Variants in SPEF2 observed in about 807,000 individuals in gnomAD.
SPEF2 encodes sperm flagellar and cilia associated 2, also known as sperm flagella and cilia-associated protein 2.
Under a neutral mutation model 224.6 loss-of-function variants are expected in SPEF2, and 187 were observed. The ratio of observed to expected loss-of-function variants is 0.83; its 90% CI spans 0.74 to 0.94. SPEF2 has a LOEUF of 0.94. Ranked by LOEUF, SPEF2 falls within the 40% of genes least tolerant of loss-of-function variation. SPEF2 has a pLI of 0.00. For synonymous variants in SPEF2, 715 were observed against 707.3 expected, an observed-to-expected ratio of 1.01 and a Z score of -0.17; for missense variants, 2,170 against 2,135.6, an observed-to-expected ratio of 1.02 and a Z score of -0.32.
chr5:35,747,350 T>A (rs1025085216), intron 23 of SPEF2, among the ~76,000 whole-genome samples: 1 of 152,058 alleles, frequency 6.6e-6, no homozygotes, highest in African/African-American at 2.4e-5. Context: ...AATACTAACA[T>A]TGAATGTAAA....
At chr5:35,813,478 C>T (rs928611588) in intron 36 of SPEF2, among the ~76,000 whole-genome samples, 6 of 151,906 alleles carry the variant, frequency 3.9e-5, no homozygotes, top group Admixed American at 2.0e-4. Context: ...GGTGACAGAG[C>T]GAAACTCTAT....
At chr5:35,669,880 A>G (rs1352014557) in intron 9 of SPEF2, among the ~76,000 whole-genome samples, 179 bp from the exon 10 acceptor site, 1 of 151,970 alleles carries the variant, frequency 6.6e-6, no homozygotes, top group Non-Finnish European at 1.5e-5. Flanking sequence ...TAACAGAAAA[A>G]TCTCATATAT....
intron 18 of SPEF2, 92 bp from the exon 19 acceptor site, chr5:35,708,856 G>T: frequency 8.4e-7 from 1 of 1,196,840 alleles, no homozygotes; most frequent in Admixed American, 2.4e-5. Context: ...ACGTAAGATT[G>T]TTTTATATTA....
intron 25 of SPEF2, among the ~76,000 whole-genome samples, 186 bp downstream of exon 25, chr5:35,759,905 A>G (rs1330029668): frequency 6.6e-6 from 1 of 152,062 alleles, no homozygotes; most frequent in Non-Finnish European, 1.5e-5. Context: ...ACTAATATAC[A>G]TTATCCAATT....
intron 23 of SPEF2, among the ~76,000 whole-genome samples, chr5:35,752,321 C>CTCTG (rs1375155222): frequency 3.3e-5 from 5 of 152,034 alleles, no homozygotes; most frequent in Non-Finnish European, 5.9e-5. Flanking sequence ...GAGACAGGGT[C>CTCTG]TCTGTCACTC....
At chr5:35,710,825 A>C in intron 19 of SPEF2, 1 of 985,396 alleles carries the variant, frequency 1.0e-6, no homozygotes, top group Non-Finnish European at 1.2e-6. Context: ...GCATTGAAGA[A>C]ATAATAAATC....
In SPEF2 at chr5:35,792,336, A is replaced by T; in HGVS notation, c.4448-4A>T. On this transcript the variant is annotated splice_region_variant and splice_polypyrimidine_tract_variant and intron_variant, in intron 30 of 36. Transcript: ENST00000356031. ...GTGACAAAATATTTTTCATTGTATTATAGGCATAATAGGAAATAAAGCATT... is the reference window on the plus strand; with the variant it reads ...GTGACAAAATATTTTTCATTGTATTTTAGGCATAATAGGAAATAAAGCATT... 1 of 1,611,994 alleles carries T rather than the reference A, an allele frequency of 6.2e-7. No homozygotes were observed. The highest frequency in any genetic ancestry group is 8.5e-7 in the Non-Finnish European group (1 of 1,178,578).
intron 14 of SPEF2, among the ~76,000 whole-genome samples, chr5:35,696,003 C>G (rs1755257769): frequency 6.6e-6 from 1 of 152,154 alleles, no homozygotes; most frequent in African/African-American, 2.4e-5. Flanking sequence ...GGAAATTATT[C>G]TTCACTTTTG....
intron 36 of SPEF2, among the ~76,000 whole-genome samples, chr5:35,810,056 C>G (rs1758437884): frequency 6.6e-6 from 1 of 152,140 alleles, no homozygotes; most frequent in African/African-American, 2.4e-5. Flanking sequence ...TATCTTCACT[C>G]TGAGCAGAGT....
chr5:35,761,428 T>C (rs1751267881), intron 25 of SPEF2, among the ~76,000 whole-genome samples: 1 of 152,178 alleles, frequency 6.6e-6, no homozygotes, highest in African/African-American at 2.4e-5. Flanking sequence ...TTATTACCTA[T>C]TGTATGTTCC....
At position 35,746,766 on chromosome 5, in the gene SPEF2, A is replaced by G. The variant is rs1036750955; in HGVS notation, c.3330+6499A>G. Among the ~76,000 whole-genome samples the G allele has an allele frequency of 6.6e-5, 10 of 152,286 alleles. No individual in the cohort carries two copies. In the East Asian group the frequency reaches 1.9e-3, roughly 29 times the overall value. The stretch of plus-strand genomic sequence containing the variant: ...ACATATTTAGAGGAATAATTGAGGA[A>G]AACTTCCCCAGCCTCGCTAGAGACC... On this transcript the variant is annotated intron_variant, in intron 23 of 36. Coordinates refer to ENST00000356031, the MANE Select transcript of SPEF2 (RefSeq NM_024867.4).
chr5:35,756,449 A>G (rs1247075651), intron 24 of SPEF2, among the ~76,000 whole-genome samples: 3 of 152,200 alleles, frequency 2.0e-5, no homozygotes, highest in Non-Finnish European at 4.4e-5. Flanking sequence ...ACAGGATCCT[A>G]TAAAAACCAG....
intron 21 of SPEF2, among the ~76,000 whole-genome samples, chr5:35,738,007 G>A (rs920481042): frequency 4.6e-5 from 7 of 152,170 alleles, no homozygotes; most frequent in Admixed American, 3.3e-4. Flanking sequence ...CTGCATAAAT[G>A]TCTTCTTTTA....
intron 30 of SPEF2, chr5:35,791,171 T>A (rs529139867): frequency 6.6e-6 from 1 of 152,180 alleles, no homozygotes; most frequent in Non-Finnish European, 1.5e-5. Context: ...CACTGAAAAT[T>A]CTGCTATCTG....
chr5:35,689,937 A>G (rs1754207272), intron 10 of SPEF2, among the ~76,000 whole-genome samples: 1 of 152,198 alleles, frequency 6.6e-6, no homozygotes, highest in African/African-American at 2.4e-5. Flanking sequence ...GATAGGTTTT[A>G]GAATTTTATC....
intron 8 of SPEF2, among the ~76,000 whole-genome samples, chr5:35,660,691 G>C (rs1235140295): frequency 1.3e-5 from 2 of 152,182 alleles, no homozygotes; most frequent in Non-Finnish European, 2.9e-5. Context: ...TGACTAGACT[G>C]AGTGGCATTT....
At chr5:35,770,030 CGTGTGTGT>C (rs143871804) in intron 26 of SPEF2, among the ~76,000 whole-genome samples, 1 of 142,236 alleles carries the variant, frequency 7.0e-6, no homozygotes, top group South Asian at 2.3e-4. Flanking sequence ...TGTGCATGTG[CGTGTGTGT>C]GTGTGTGTGT....
chr5:35,807,286 T>G, intron 36 of SPEF2, 33 bp downstream of exon 36: 1 of 1,597,764 alleles, frequency 6.3e-7, no homozygotes, highest in Non-Finnish European at 8.5e-7. Context: ...CTAATTTGGT[T>G]GGGCTCCAGT....
intron 17 of SPEF2, among the ~76,000 whole-genome samples, chr5:35,705,416 A>C (rs2149577964): frequency 6.6e-6 from 1 of 152,014 alleles, no homozygotes; most frequent in East Asian, 1.9e-4. Context: ...TCCTACTAAA[A>C]GTTTTCCTGA....
Sources: gnomAD v4.1 joint callset for allele counts (sites outside exome capture counted in the v4.1 genomes callset) on GRCh38, gnomAD v4.1.1 for gene constraint, MANE v1.5 for transcripts, NCBI Gene and HGNC (gene_info 2026-07-23, HGNC 2026-07-21) for gene names.